Variants in CNGB3 observed in about 807,000 individuals in gnomAD.
The protein encoded by CNGB3 is cyclic nucleotide-gated channel beta-3.
CNGB3 carries 86 observed loss-of-function variants against 92.8 expected under a neutral mutation model. The ratio of observed to expected loss-of-function variants is 0.93; its 90% CI spans 0.78 to 1.11. CNGB3 has a LOEUF of 1.11. Ranked by LOEUF, CNGB3 falls within the 50% of genes least tolerant of loss-of-function variation. The pLI is 0.00. For synonymous variants in CNGB3, 333 were observed against 332.7 expected (o/e 1.00, Z -0.01); for missense variants, 1,026 against 956.8 (o/e 1.07, Z -0.95).
chr8:86,592,060 C>T (rs1443792160), intron 15 of CNGB3, among the ~76,000 whole-genome samples: 1 of 152,216 alleles, frequency 6.6e-6, no homozygotes, highest in Non-Finnish European at 1.5e-5. Context: ...TTTTTTAAGC[C>T]CGTCGGAAAA....
At chr8:86,626,718 G>T (rs1325876881) in intron 12 of CNGB3, among the ~76,000 whole-genome samples, 3 of 152,010 alleles carry the variant, frequency 2.0e-5, no homozygotes, top group Non-Finnish European at 2.9e-5. Context: ...TCAAATTATT[G>T]TTATTTACTT....
intron 15 of CNGB3, among the ~76,000 whole-genome samples, chr8:86,580,606 T>G (rs1243231266): frequency 6.6e-6 from 1 of 152,188 alleles, no homozygotes; most frequent in Non-Finnish European, 1.5e-5. Flanking sequence ...GTGGGCTTTA[T>G]GTCTTGGAGG....
At chr8:86,660,850 G>T in intron 6 of CNGB3, 2 of 421,952 alleles carry the variant, frequency 4.7e-6, no homozygotes, top group South Asian at 3.7e-5. Context: ...TTCAGTTTAA[G>T]GTCCTCTTCA....
intron 15 of CNGB3, among the ~76,000 whole-genome samples, chr8:86,581,078 G>C (rs1465019368): frequency 2.6e-5 from 4 of 152,154 alleles, no homozygotes; most frequent in Non-Finnish European, 5.9e-5. Context: ...AGCTCTGACA[G>C]GTTAAGAGCC....
At chr8:86,672,179 A>G (rs7815359) in intron 3 of CNGB3, among the ~76,000 whole-genome samples, 118,547 of 151,934 alleles carry the variant, frequency 0.78, 47,372 homozygotes, top group East Asian at 1. Context: ...GCTCACTGCA[A>G]TCTCTGCCTC....
At chr8:86,682,125 G>T (rs1055466475) in intron 3 of CNGB3, among the ~76,000 whole-genome samples, 1 of 152,188 alleles carries the variant, frequency 6.6e-6, no homozygotes, top group African/African-American at 2.4e-5. Context: ...TGAGGCTAAA[G>T]TAGATCTGCT....
chr8:86,593,862 G>C (rs1585955903), intron 15 of CNGB3: 1 of 758,458 alleles, frequency 1.3e-6, no homozygotes, highest in Non-Finnish European at 2.2e-6. Flanking sequence ...TGGACCCCGG[G>C]CAGCATAGCC....
chr8:86,590,225 ATG>A (rs1446212448), intron 15 of CNGB3, among the ~76,000 whole-genome samples: 1 of 151,752 alleles, frequency 6.6e-6, no homozygotes, highest in East Asian at 1.9e-4. Context: ...TTTTGAGCCT[ATG>A]TGTGTCTCTG....
intron 9 of CNGB3, 150 bp downstream of exon 9, chr8:86,644,472 G>A: frequency 1.0e-6 from 1 of 966,548 alleles, no homozygotes; most frequent in Non-Finnish European, 1.4e-6. Context: ...ATCCACATCT[G>A]TTCTAGAACA....
Position 86,575,999 on chromosome 8 carries a change from C to G in CNGB3, c.2235G>C (p.Glu745Asp), listed in dbSNP as rs201770811. Residue 745 changes from glutamate (E) to aspartate (D), a missense_variant, in exon 18 of 18, where the codon GAG becomes GAC. By Grantham distance (45) the Glu-to-Asp change is conservative (BLOSUM62 2). Coordinates refer to ENST00000320005, the MANE Select transcript of CNGB3 (RefSeq NM_019098.5). The stretch of plus-strand genomic sequence containing the variant: ...GTCTGTCCAGTGGCTTCTCTTCTGG[C>G]TCTCTTCCTTTATCTTTATCTTCAT... ...KENEDKDKGR[E>D]PEEKPLDRPE... 383 of 1,613,702 alleles carry G rather than the reference C, an allele frequency of 2.4e-4. No individual in the cohort carries two copies. The highest frequency in any genetic ancestry group is 3.1e-4 in the Non-Finnish European group (366 of 1,179,862).
chr8:86,731,181 C>T lies in CNGB3; in HGVS notation c.212-4524G>A, dbSNP rs562883892. 6.6e-5 allele frequency among the ~76,000 whole-genome samples: 10 copies of T among 152,174 alleles called. No individual in the cohort carries two copies. In the South Asian group the frequency reaches 2.1e-3, roughly 32 times the overall value. On this transcript the variant is annotated intron_variant, in intron 2 of 17. Coordinates refer to ENST00000320005, the MANE Select transcript of CNGB3 (RefSeq NM_019098.5). ...AATTAACAAAACAAACACGCAAAAC[C>T]CTCAAACATTCTAGCAACTTGTCTA... is the stretch of plus-strand genomic sequence containing the variant.
At chr8:86,598,344 A>G (rs1822218081) in intron 15 of CNGB3, among the ~76,000 whole-genome samples, 2 of 152,230 alleles carry the variant, frequency 1.3e-5, no homozygotes, top group Admixed American at 1.3e-4. Context: ...GATACAAATG[A>G]TTTGTGACTT....
intron 15 of CNGB3, among the ~76,000 whole-genome samples, chr8:86,595,652 C>A (rs1822155957): frequency 6.6e-6 from 1 of 152,064 alleles, no homozygotes; most frequent in Non-Finnish European, 1.5e-5. Flanking sequence ...TCTGCTCATA[C>A]TTTTAATCTC....
intron 10 of CNGB3, among the ~76,000 whole-genome samples, chr8:86,642,781 T>G (rs1176839588): frequency 6.6e-6 from 1 of 151,678 alleles, no homozygotes; most frequent in Non-Finnish European, 1.5e-5. Flanking sequence ...ATTCTACTGT[T>G]CTAAATTTTT....
chr8:86,595,296 G>T (rs1157212549), intron 15 of CNGB3, among the ~76,000 whole-genome samples: 1 of 152,166 alleles, frequency 6.6e-6, no homozygotes, highest in Non-Finnish European at 1.5e-5. Context: ...GACATGTCAA[G>T]GTATGACTCT....
intron 3 of CNGB3, among the ~76,000 whole-genome samples, chr8:86,713,392 T>G (rs1344196915): frequency 6.6e-6 from 1 of 152,192 alleles, no homozygotes; most frequent in East Asian, 1.9e-4. Context: ...CTCAAGCATT[T>G]GCACTTTTAA....
chr8:86,613,918 CATATA>C (rs1186344642), intron 13 of CNGB3, among the ~76,000 whole-genome samples: 1 of 146,452 alleles, frequency 6.8e-6, no homozygotes, highest in Non-Finnish European at 1.5e-5. Context: ...ATAATATGTA[CATATA>C]ATATATAATA....
At chr8:86,694,157 G>T (rs1413681516) in intron 3 of CNGB3, among the ~76,000 whole-genome samples, 1 of 135,806 alleles carries the variant, frequency 7.4e-6, no homozygotes, top group Non-Finnish European at 1.6e-5. Context: ...TGGACGGGGC[G>T]GCTGGCCGGG....
At chr8:86,640,678 A>G (rs1823165315) in intron 10 of CNGB3, among the ~76,000 whole-genome samples, 1 of 152,104 alleles carries the variant, frequency 6.6e-6, no homozygotes, top group South Asian at 2.1e-4. Context: ...ATAAAAGCCA[A>G]TTAAGATCAT....
Sources: allele counts gnomAD v4.1 joint callset (sites outside exome capture counted in the v4.1 genomes callset), GRCh38; gene constraint gnomAD v4.1.1; transcripts MANE v1.5; gene names NCBI Gene and HGNC (gene_info 2026-07-23, HGNC 2026-07-21).